L3MBTL4: variants seen among roughly 807,000 people sequenced by gnomAD.
L3MBTL4 encodes lethal(3)malignant brain tumor-like protein 4.
In L3MBTL4, 70 loss-of-function variants were observed where a neutral mutation model predicts 84.5. That is an observed-to-expected ratio of 0.83 (90% confidence interval 0.68 to 1.01). The LOEUF is 1.01. L3MBTL4 is among the 50% of genes least tolerant of loss of function. L3MBTL4 has a pLI of 0.00. For synonymous variants in L3MBTL4, 274 were observed against 259.8 expected (o/e 1.05, Z -0.52); for missense variants, 715 against 754.8 (o/e 0.95, Z 0.62).
intron 13 of L3MBTL4, among the ~76,000 whole-genome samples, chr18:6,154,382 C>T (rs762557610): frequency 3.3e-5 from 5 of 152,058 alleles, no homozygotes; most frequent in Admixed American, 1.3e-4. Flanking sequence ...TGGAGTTCTA[C>T]CATATGTCCA....
rs2060088585 is a variant in L3MBTL4 at position 6,138,251 on chromosome 18, G to A, written c.1142C>T (p.Thr381Ile). 1 of 1,613,400 alleles carries A rather than the reference G, an allele frequency of 6.2e-7. No homozygotes were observed. Among genetic ancestry groups the A allele is most frequent in the South Asian group, 1.1e-5 (1 of 90,896 alleles). Residue 381 changes from threonine to isoleucine, a missense_variant, in exon 14 of 19, where the codon ACT becomes ATT. Physicochemically the swap from Thr to Ile is moderately conservative, Grantham distance 89. Coordinates refer to ENST00000317931, the MANE Select transcript of L3MBTL4 (RefSeq NM_001330559.2). ...ATGGCCTATTCCTCGGCACCCGGGA[G>A]TAGGACAGACAGCTTGACCTGGAAG... is the stretch of plus-strand genomic sequence containing the variant. ...KILPGQAVCP[T>I]PGCRGIGHIR...
intron 12 of L3MBTL4, among the ~76,000 whole-genome samples, chr18:6,182,978 C>A (rs2044547874): frequency 6.6e-6 from 1 of 152,196 alleles, no homozygotes; most frequent in Non-Finnish European, 1.5e-5. Context: ...CAGAGGACCA[C>A]TCAACTCTAA....
chr18:6,271,134 GTTTGTT>G (rs2048849533), intron 4 of L3MBTL4, among the ~76,000 whole-genome samples: 1 of 152,098 alleles, frequency 6.6e-6, no homozygotes, highest in Admixed American at 6.5e-5. Context: ...TTTGTTTTTC[GTTTGTT>G]TTTGTTTTTG....
At chr18:6,046,747 C>A in intron 16 of L3MBTL4, 1 of 775,420 alleles carries the variant, frequency 1.3e-6, no homozygotes, top group South Asian at 1.4e-5. Flanking sequence ...TGGGATGCAG[C>A]ACAAGCACTG....
intron 13 of L3MBTL4, among the ~76,000 whole-genome samples, chr18:6,166,022 G>T (rs960920158): frequency 2.0e-5 from 3 of 152,142 alleles, no homozygotes; most frequent in African/African-American, 7.2e-5. Context: ...AAAGGCAGGG[G>T]TTGCAATCCT....
In L3MBTL4 at chr18:6,171,857, A is replaced by G. The variant is rs375670520; in HGVS notation, c.1067T>C (p.Val356Ala). The part of the protein sequence containing the change: ...PDIHPIGWCD[V>A]TGHPLEVPQR... The stretch of plus-strand genomic sequence containing the variant: ...TGGCACTTCCAGTGGATGCCCTGTG[A>G]CATCACACCATCCGATCGGGTGGAT... The change falls in exon 13 of 19, where the codon GTC (valine) becomes GCC (alanine). Residue 356 changes from valine (V) to alanine (A), a missense_variant. Physicochemically the swap from Val to Ala is moderately conservative, Grantham distance 64. Transcript: ENST00000317931. 1.3e-6 allele frequency: 2 copies of G among 1,551,622 alleles called. No individual in the cohort carries two copies. Among genetic ancestry groups the G allele is most frequent in the African/African-American group, 1.4e-5 (1 of 73,276 alleles).
intron 5 of L3MBTL4, among the ~76,000 whole-genome samples, 173 bp from the exon 6 acceptor site, chr18:6,244,761 AG>A (rs2047588492): frequency 6.6e-6 from 1 of 152,176 alleles, no homozygotes; most frequent in Non-Finnish European, 1.5e-5. Flanking sequence ...TGCTGGTCAA[AG>A]GGTATAAAGT....
intron 1 of L3MBTL4, among the ~76,000 whole-genome samples, chr18:6,372,992 C>T (rs1255888997): frequency 6.6e-6 from 1 of 152,156 alleles, no homozygotes; most frequent in Non-Finnish European, 1.5e-5. Context: ...TTTAAATATA[C>T]ACTATTTTTT....
intron 4 of L3MBTL4, among the ~76,000 whole-genome samples, chr18:6,278,184 A>G (rs1308511949): frequency 6.6e-6 from 1 of 152,130 alleles, no homozygotes; most frequent in East Asian, 1.9e-4. Context: ...CCTGAATTGA[A>G]TTGAAGGGTT....
intron 16 of L3MBTL4, among the ~76,000 whole-genome samples, chr18:6,018,132 G>A (rs568864342): frequency 2.0e-4 from 30 of 152,248 alleles, no homozygotes; most frequent in African/African-American, 6.7e-4. Context: ...GGAGACTCAC[G>A]GTAGAGGTGA....
chr18:6,223,336 A>C (rs1351723267), intron 10 of L3MBTL4, among the ~76,000 whole-genome samples: 1 of 152,210 alleles, frequency 6.6e-6, no homozygotes, highest in East Asian at 1.9e-4. Flanking sequence ...TTTTAAATGA[A>C]TGTTTAACAC....
chr18:6,196,104 T>C (rs1339538447), intron 12 of L3MBTL4, among the ~76,000 whole-genome samples: 1 of 150,820 alleles, frequency 6.6e-6, no homozygotes, highest in African/African-American at 2.4e-5. Flanking sequence ...CACTGATATC[T>C]GCTTCCCCAC....
intron 12 of L3MBTL4, among the ~76,000 whole-genome samples, chr18:6,205,168 G>A (rs2045819245): frequency 6.6e-6 from 1 of 152,168 alleles, no homozygotes; most frequent in Non-Finnish European, 1.5e-5. Context: ...ACAGTGCTGA[G>A]AAGAGGAAAA....
chr18:6,140,806 C>T (rs990784717), intron 13 of L3MBTL4, among the ~76,000 whole-genome samples: 21 of 151,946 alleles, frequency 1.4e-4, no homozygotes, highest in African/African-American at 5.1e-4. Flanking sequence ...ACTTAGATCC[C>T]ACATCCCCTC....
intron 3 of L3MBTL4, among the ~76,000 whole-genome samples, chr18:6,307,689 G>C (rs1001257842): frequency 3.9e-5 from 6 of 151,970 alleles, no homozygotes; most frequent in African/African-American, 1.5e-4. Flanking sequence ...CCTTTATTCA[G>C]CAATAGTCTA....
At chr18:6,257,645 C>CTTTTT (rs770563046) in intron 5 of L3MBTL4, among the ~76,000 whole-genome samples, 2 of 127,494 alleles carry the variant, frequency 1.6e-5, no homozygotes, top group Non-Finnish European at 3.3e-5. Flanking sequence ...TTTTCTTTTT[C>CTTTTT]TTTTTTTTTT....
chr18:6,008,689 A>G (rs918883204), intron 16 of L3MBTL4, among the ~76,000 whole-genome samples: 1 of 152,232 alleles, frequency 6.6e-6, no homozygotes, highest in Non-Finnish European at 1.5e-5. Flanking sequence ...TTAGGGCTTC[A>G]ACACATGAAT....
intron 18 of L3MBTL4, among the ~76,000 whole-genome samples, chr18:5,959,081 T>C (rs1049647086): frequency 2.6e-5 from 4 of 152,212 alleles, no homozygotes; most frequent in African/African-American, 9.6e-5. Flanking sequence ...TGAGTTCCTC[T>C]ACTGTGCTCG....
rs769745566 is a variant in L3MBTL4, at chr18:6,301,917, G to C, written c.113C>G (p.Thr38Ser). The change falls in exon 4 of 19, where the codon ACC (threonine) becomes AGC (serine). Residue 38 changes from threonine to serine, a missense_variant. Coordinates refer to ENST00000317931, the MANE Select transcript of L3MBTL4 (RefSeq NM_001330559.2). ...GTGATAATTACCGTGACTCAAAGGG[G>C]TTGTGCTATCCTTGGGCTTCTTTTC... is the stretch of plus-strand genomic sequence containing the variant. The part of the protein sequence containing the change: ...EEEKKPKDST[T>S]PLSHVPSAAA... The C allele has an allele frequency of 6.2e-7, 1 of 1,613,164 alleles. No homozygotes were observed. Among genetic ancestry groups the C allele is most frequent in the Admixed American group, 1.7e-5 (1 of 60,024 alleles).
Sources: allele counts gnomAD v4.1 joint callset (sites outside exome capture counted in the v4.1 genomes callset), GRCh38; gene constraint gnomAD v4.1.1; transcripts MANE v1.5; gene names NCBI Gene and HGNC (gene_info 2026-07-23, HGNC 2026-07-21).